DACH1: variants seen among roughly 807,000 people sequenced by gnomAD.
DACH1 encodes dachshund family transcription factor 1, also known as dachshund homolog 1.
DACH1 carries 12 observed loss-of-function variants against 54.2 expected under a neutral mutation model. The observed-to-expected ratio is 0.22, with a 90% CI of 0.14 to 0.36. DACH1 has a LOEUF of 0.36. DACH1 is among the 10% of genes least tolerant of loss of function. DACH1 has a pLI of 1.00. For missense variants in DACH1, 805 were observed against 929.8 expected, an observed-to-expected ratio of 0.87 and a Z score of 1.75; for synonymous variants, 386 against 366.2, an observed-to-expected ratio of 1.05 and a Z score of -0.62.
intron 1 of DACH1, among the ~76,000 whole-genome samples, chr13:71,817,459 C>A (rs1888003053): frequency 6.6e-6 from 1 of 152,172 alleles, no homozygotes; most frequent in South Asian, 2.1e-4. Context: ...TAGAAAATGG[C>A]AAACCCTTCT....
chr13:71,496,306 T>TATATATAC lies in DACH1; in HGVS notation c.1571-7159_1571-7158insGTATATAT, dbSNP rs1217159359. On this transcript the variant is annotated intron_variant, in intron 6 of 10. Transcript: ENST00000613252. ...ATATATATATATATATATATATATA[T>TATATATAC]ACACACACAAAAAGATATGCAACAT... Among the ~76,000 whole-genome samples the TATATATAC allele has an allele frequency of 5.7e-3, 262 of 45,884 alleles. 3 individuals carry two copies. The highest frequency in any genetic ancestry group is 7.2e-3 in the South Asian group (6 of 830). The allele number at this position is 45,884 out of a possible 152,430, so 30.1% of individuals were successfully genotyped here. A position where few individuals can be genotyped will look rare whatever the true frequency, so the allele number is the denominator to read the frequency against.
chr13:71,597,651 G>T lies in DACH1; in HGVS notation c.1127-24639C>A, dbSNP rs147506138. ...TTCAAATCAGTGGCCTTGGGGAATTGATTTGGTCTCTCAGTGCCTCAGTTC... is the reference window on the plus strand; with the variant it reads ...TTCAAATCAGTGGCCTTGGGGAATTTATTTGGTCTCTCAGTGCCTCAGTTC... On this transcript the variant is annotated intron_variant, in intron 3 of 10. Transcript: ENST00000613252. 3.4e-3 allele frequency among the ~76,000 whole-genome samples: 511 copies of T among 152,272 alleles called. 9 individuals are homozygous for T. Among genetic ancestry groups the T allele is most frequent in the Admixed American group, 0.023 (351 of 15,290 alleles).
chr13:71,597,569 T>C (rs929214399), intron 3 of DACH1, among the ~76,000 whole-genome samples: 1 of 152,136 alleles, frequency 6.6e-6, no homozygotes, highest in Non-Finnish European at 1.5e-5. Context: ...GATTTCACCA[T>C]GGGGCTCTCA....
At chr13:71,763,099 T>C (rs554660806) in intron 1 of DACH1, among the ~76,000 whole-genome samples, 7 of 152,338 alleles carry the variant, frequency 4.6e-5, no homozygotes, top group Admixed American at 4.6e-4. Flanking sequence ...TTCACATGTA[T>C]ATATCACCTT....
intron 2 of DACH1, among the ~76,000 whole-genome samples, chr13:71,663,454 C>G (rs1207031086): frequency 2.0e-5 from 3 of 151,866 alleles, no homozygotes; most frequent in Non-Finnish European, 4.4e-5. Flanking sequence ...AGCCTAGGTT[C>G]AGGTGAAAAA....
intron 1 of DACH1, among the ~76,000 whole-genome samples, chr13:71,762,474 C>T (rs1182490328): frequency 6.6e-6 from 1 of 152,016 alleles, no homozygotes; most frequent in Non-Finnish European, 1.5e-5. Flanking sequence ...GAATGTACAT[C>T]TAGGTCCGGC....
At chr13:71,462,871 T>TACACACAC (rs374818301) in intron 10 of DACH1, among the ~76,000 whole-genome samples, 85 of 102,874 alleles carry the variant, frequency 8.3e-4, no homozygotes, top group African/African-American at 2.1e-3. Flanking sequence ...TCTATCTATC[T>TACACACAC]ACACACACAC....
intron 1 of DACH1, among the ~76,000 whole-genome samples, chr13:71,735,271 CACGTAT>C (rs1566467363): frequency 0.23 from 11,511 of 49,166 alleles, 4,044 homozygotes; most frequent in Non-Finnish European, 0.51. Flanking sequence ...ATATGGGATA[CACGTAT>C]GTATATGGGA....
intron 1 of DACH1, among the ~76,000 whole-genome samples, chr13:71,712,276 C>A (rs1178614340): frequency 6.6e-6 from 1 of 151,602 alleles, no homozygotes; most frequent in African/African-American, 2.4e-5. Flanking sequence ...AATCTGAAAA[C>A]CTTTTTTTTG....
intron 1 of DACH1, among the ~76,000 whole-genome samples, chr13:71,689,060 T>A (rs1881336437): frequency 6.6e-6 from 1 of 152,170 alleles, no homozygotes; most frequent in Non-Finnish European, 1.5e-5. Context: ...AGTGAGTTTG[T>A]TTGTTTGTTG....
chr13:71,694,413 C>T (rs1014462869), intron 1 of DACH1, among the ~76,000 whole-genome samples: 7 of 151,844 alleles, frequency 4.6e-5, no homozygotes, highest in African/African-American at 1.5e-4. Context: ...TGTTTCCAGC[C>T]TGCAGAGATT....
At chr13:71,621,442 G>A (rs567768820) in intron 3 of DACH1, among the ~76,000 whole-genome samples, 3 of 152,052 alleles carry the variant, frequency 2.0e-5, no homozygotes, top group Non-Finnish European at 4.4e-5. Context: ...TGACTGAGAA[G>A]ATCCATATCT....
intron 6 of DACH1, among the ~76,000 whole-genome samples, chr13:71,544,888 T>A (rs981864890): frequency 6.6e-6 from 1 of 151,968 alleles, no homozygotes; most frequent in African/African-American, 2.4e-5. Context: ...ATGGATAGAT[T>A]ACTTAATTAA....
chr13:71,705,733 A>G (rs1485026893), intron 1 of DACH1, among the ~76,000 whole-genome samples: 1 of 151,984 alleles, frequency 6.6e-6, no homozygotes, highest in Non-Finnish European at 1.5e-5. Flanking sequence ...TACCACTTAG[A>G]TCTCTATATG....
chr13:71,684,600 G>A (rs1334154260), intron 1 of DACH1, among the ~76,000 whole-genome samples: 1 of 151,944 alleles, frequency 6.6e-6, no homozygotes, highest in East Asian at 1.9e-4. Context: ...ACCACTTCTA[G>A]TTAGTATTTT....
At chr13:71,736,804 T>C (rs1370468934) in intron 1 of DACH1, among the ~76,000 whole-genome samples, 1 of 152,200 alleles carries the variant, frequency 6.6e-6, no homozygotes, top group Non-Finnish European at 1.5e-5. Flanking sequence ...GTTATGGAAC[T>C]TTCATAATCT....
chr13:71,728,719 A>G (rs1391068051), intron 1 of DACH1, among the ~76,000 whole-genome samples: 5 of 152,018 alleles, frequency 3.3e-5, no homozygotes, highest in East Asian at 3.9e-4. Flanking sequence ...TCAGAGATCC[A>G]TGCCTGAGAC....
chr13:71,621,203 A>G (rs978119767), intron 3 of DACH1, among the ~76,000 whole-genome samples: 9 of 152,102 alleles, frequency 5.9e-5, no homozygotes, highest in Admixed American at 1.3e-4. Context: ...AGTACACTAC[A>G]CTTTTTGGCC....
chr13:71,589,113 A>T (rs1229109074), intron 3 of DACH1, among the ~76,000 whole-genome samples: 1 of 152,032 alleles, frequency 6.6e-6, no homozygotes, highest in Non-Finnish European at 1.5e-5. Flanking sequence ...TTTAATAGTA[A>T]CTCAAAAATT....
Sources: allele counts gnomAD v4.1 joint callset (sites outside exome capture counted in the v4.1 genomes callset), GRCh38; gene constraint gnomAD v4.1.1; transcripts MANE v1.5; gene names NCBI Gene and HGNC (gene_info 2026-07-23, HGNC 2026-07-21).